DOCK1: variants seen among roughly 807,000 people sequenced by gnomAD.
DOCK1 encodes the protein dedicator of cytokinesis protein 1.
A neutral mutation model predicts 262.7 loss-of-function variants in DOCK1; 138 were observed. The ratio of observed to expected loss-of-function variants is 0.53; its 90% CI spans 0.46 to 0.61. DOCK1 has a LOEUF of 0.61. DOCK1 is among the 20% of genes least tolerant of loss of function. DOCK1 has a pLI of 0.00. For missense variants in DOCK1, 1,908 were observed against 2,370.7 expected (o/e 0.80, Z 4.05); for synonymous variants, 866 against 867.4 (o/e 1.00, Z 0.03).
intron 27 of DOCK1, among the ~76,000 whole-genome samples, chr10:127,243,360 G>A (rs2059327488): frequency 6.6e-6 from 1 of 152,092 alleles, no homozygotes; most frequent in Non-Finnish European, 1.5e-5. Context: ...ATGACATCCT[G>A]CATTCAACTT....
At chr10:127,281,638 T>C (rs551692446) in intron 29 of DOCK1, among the ~76,000 whole-genome samples, 51 of 152,274 alleles carry the variant, frequency 3.3e-4, no homozygotes, top group African/African-American at 1.1e-3. Context: ...CCATGCCTCA[T>C]TGGCATTGCT....
chr10:127,249,422 C>CAT lies in DOCK1; in HGVS notation c.2949+1323_2949+1324dup, dbSNP rs1243856073. 2.7e-3 allele frequency among the ~76,000 whole-genome samples: 174 copies of CAT among 65,500 alleles called. 1 individual carries two copies. The highest frequency in any genetic ancestry group is 5.9e-3 in the African/African-American group (106 of 18,082). The allele number at this position is 65,500 out of a possible 152,430, so 43.0% of individuals were successfully genotyped here. On this transcript the variant is annotated intron_variant, in intron 28 of 51. Coordinates refer to ENST00000623213, the MANE Select transcript of DOCK1 (RefSeq NM_001290223.2). ...ATATATACATATATATATACATGTA[C>CAT]ATATATATATACACACACACACACA...
intron 13 of DOCK1, among the ~76,000 whole-genome samples, 197 bp from the exon 14 acceptor site, chr10:127,023,003 T>C (rs2042553683): frequency 6.6e-6 from 1 of 152,180 alleles, no homozygotes; most frequent in Non-Finnish European, 1.5e-5. Flanking sequence ...TTTTTCCTCT[T>C]TCTAGAAAAC....
chr10:127,314,829 G>A (rs2062205087), intron 29 of DOCK1, among the ~76,000 whole-genome samples: 1 of 152,166 alleles, frequency 6.6e-6, no homozygotes, highest in Non-Finnish European at 1.5e-5. Flanking sequence ...GGGAGGCAGG[G>A]GGCTGAGACC....
At chr10:127,285,182 A>G (rs1220340184) in intron 29 of DOCK1, among the ~76,000 whole-genome samples, 1 of 152,180 alleles carries the variant, frequency 6.6e-6, no homozygotes, top group Non-Finnish European at 1.5e-5. Context: ...CTGTTTTACT[A>G]TTCATTTTCT....
chr10:127,133,543 G>T (rs1325069682), intron 27 of DOCK1, among the ~76,000 whole-genome samples: 1 of 152,128 alleles, frequency 6.6e-6, no homozygotes, highest in Non-Finnish European at 1.5e-5. Flanking sequence ...CTTTGGGGCA[G>T]CTACAGCAAT....
At chr10:126,948,498 T>C (rs2035813759) in intron 1 of DOCK1, among the ~76,000 whole-genome samples, 6 of 150,474 alleles carry the variant, frequency 4.0e-5, no homozygotes. Flanking sequence ...ATGAAGGTGG[T>C]AATACTGTCC....
Position 127,408,946 on chromosome 10 carries a change from C to T in DOCK1, c.4123-91C>T, listed in dbSNP as rs529611158. 1.0e-5 allele frequency: 15 copies of T among 1,434,110 alleles called. No homozygotes were observed. In the East Asian group the frequency reaches 2.3e-4, roughly 22 times the overall value. The allele number at this position is 1,434,110 out of a possible 1,614,324, so 88.8% of individuals were successfully genotyped here. ...AATTTAATGACATTTTGTAAGAACC[C>T]GTAAGGCATATTTTAAGGCCAGCAT... On this transcript the variant is annotated intron_variant, in intron 40 of 51. Transcript: ENST00000623213.
intron 27 of DOCK1, among the ~76,000 whole-genome samples, chr10:127,174,769 C>G (rs1564868559): frequency 6.6e-6 from 1 of 152,220 alleles, no homozygotes. Context: ...TCAGCATTTA[C>G]TTTTCCAAAT....
intron 29 of DOCK1, among the ~76,000 whole-genome samples, chr10:127,330,932 TCAAA>T (rs1277442430): frequency 6.6e-6 from 1 of 152,158 alleles, no homozygotes; most frequent in Non-Finnish European, 1.5e-5. Flanking sequence ...TGTCAAAAGT[TCAAA>T]CAGAGGCCAC....
intron 29 of DOCK1, among the ~76,000 whole-genome samples, chr10:127,285,425 G>C (rs139013889): frequency 6.6e-5 from 10 of 152,306 alleles, no homozygotes; most frequent in African/African-American, 2.2e-4. Context: ...GAAGTAAATG[G>C]CTCATCCTCC....
chr10:127,287,054 C>T (rs1283014860), intron 29 of DOCK1, among the ~76,000 whole-genome samples: 2 of 151,838 alleles, frequency 1.3e-5, no homozygotes, highest in South Asian at 2.1e-4. Flanking sequence ...ACTACAAGCA[C>T]CTGCCACCAA....
chr10:127,127,043 T>C (rs906145043), intron 26 of DOCK1, among the ~76,000 whole-genome samples: 2 of 152,150 alleles, frequency 1.3e-5, no homozygotes, highest in Non-Finnish European at 2.9e-5. Flanking sequence ...CCTGTTTTTA[T>C]TGGAGAAAAG....
intron 27 of DOCK1, among the ~76,000 whole-genome samples, chr10:127,223,433 C>T (rs1447910735): frequency 1.3e-5 from 2 of 152,112 alleles, no homozygotes; most frequent in African/African-American, 2.4e-5. Context: ...GTTAATATTA[C>T]AGATCGAGCA....
intron 49 of DOCK1, among the ~76,000 whole-genome samples, chr10:127,441,785 C>T (rs778317093): frequency 1.3e-5 from 2 of 151,634 alleles, no homozygotes; most frequent in Non-Finnish European, 2.9e-5. Context: ...TCCCTCCTCA[C>T]CCCTGTGGCT....
intron 43 of DOCK1, among the ~76,000 whole-genome samples, chr10:127,413,092 A>AT (rs1213253762): frequency 6.6e-6 from 1 of 152,192 alleles, no homozygotes; most frequent in Non-Finnish European, 1.5e-5. Flanking sequence ...TAGTGTTTAT[A>AT]TGGAGTCCCT....
At chr10:127,272,954 C>G (rs1402562810) in intron 29 of DOCK1, among the ~76,000 whole-genome samples, 3 of 152,268 alleles carry the variant, frequency 2.0e-5, no homozygotes, top group African/African-American at 7.2e-5. Flanking sequence ...CAGGTCCCTC[C>G]CACAACATGT....
At chr10:127,077,613 A>T (rs958914440) in intron 23 of DOCK1, among the ~76,000 whole-genome samples, 3 of 152,096 alleles carry the variant, frequency 2.0e-5, no homozygotes, top group African/African-American at 7.2e-5. Flanking sequence ...ATTTGGTGCC[A>T]GTTATGGACT....
At chr10:126,970,867 C>T in intron 2 of DOCK1, 82 bp downstream of exon 2, 3 of 1,485,176 alleles carry the variant, frequency 2.0e-6, no homozygotes, top group Non-Finnish European at 2.8e-6. Context: ...CAAAGCATTC[C>T]TCTGTTACAG....
Sources: allele counts gnomAD v4.1 joint callset (sites outside exome capture counted in the v4.1 genomes callset), GRCh38; gene constraint gnomAD v4.1.1; transcripts MANE v1.5; gene names NCBI Gene and HGNC (gene_info 2026-07-23, HGNC 2026-07-21).